The following DIAPH3 variants were observed in gnomAD, a reference collection of about 807,000 sequenced individuals.
DIAPH3 encodes protein diaphanous homolog 3.
A neutral mutation model predicts 144.3 loss-of-function variants in DIAPH3; 117 were observed. That is an observed-to-expected ratio of 0.81 (90% CI 0.70 to 0.95). The LOEUF is 0.95. DIAPH3 is among the 40% of genes least tolerant of loss of function. The pLI is 0.00. For missense variants in DIAPH3, 1,421 were observed against 1,412.7 expected, an observed-to-expected ratio of 1.01 and a Z score of -0.09; for synonymous variants, 519 against 488.9, an observed-to-expected ratio of 1.06 and a Z score of -0.81.
At chr13:60,162,805 T>TCACACACACA (rs1377370526) in intron 1 of DIAPH3, among the ~76,000 whole-genome samples, 1 of 136,442 alleles carries the variant, frequency 7.3e-6, no homozygotes, top group African/African-American at 2.6e-5. Context: ...TCTCTCTCTC[T>TCACACACACA]CTCTCACACA....
intron 17 of DIAPH3, among the ~76,000 whole-genome samples, chr13:59,939,835 CGTGTGTGTGT>C (rs3220859): frequency 5.5e-5 from 8 of 146,646 alleles, no homozygotes; most frequent in African/African-American, 1.0e-4. Flanking sequence ...GAGAATGAGG[CGTGTGTGTGT>C]GTGTGTGTGT....
chr13:59,723,427 T>A (rs917768770), intron 27 of DIAPH3, among the ~76,000 whole-genome samples: 1 of 152,112 alleles, frequency 6.6e-6, no homozygotes, highest in Non-Finnish European at 1.5e-5. Flanking sequence ...TACCCCTGGC[T>A]AATTAAAGTG....
At chr13:60,091,393 G>A (rs2057926672) in intron 4 of DIAPH3, among the ~76,000 whole-genome samples, 1 of 152,128 alleles carries the variant, frequency 6.6e-6, no homozygotes, top group African/African-American at 2.4e-5. Context: ...TGCCTTATGG[G>A]CTCAAGCAAT....
intron 20 of DIAPH3, among the ~76,000 whole-genome samples, chr13:59,905,219 T>C (rs1480525679): frequency 6.6e-6 from 1 of 151,392 alleles, no homozygotes; most frequent in African/African-American, 2.4e-5. Context: ...GGCGGGCGCC[T>C]ATAGTCCCAG....
chr13:59,741,642 A>G (rs921930466), intron 27 of DIAPH3, among the ~76,000 whole-genome samples: 32 of 150,284 alleles, frequency 2.1e-4, no homozygotes, highest in Admixed American at 1.6e-3. Flanking sequence ...GCTTGAGCCC[A>G]GGAGGTTGAG....
intron 1 of DIAPH3, among the ~76,000 whole-genome samples, chr13:60,134,372 C>T (rs943360855): frequency 6.6e-6 from 1 of 152,144 alleles, no homozygotes; most frequent in Non-Finnish European, 1.5e-5. Context: ...TTAACAAGTA[C>T]GCACGGTGGT....
rs367922833 is a variant in DIAPH3 at position 59,916,160 on chromosome 13, T to A, written c.2260A>T (p.Ile754Phe). 70 of 1,612,524 alleles carry A rather than the reference T, an allele frequency of 4.3e-5. No individual in the cohort carries two copies. The African/African-American group carries it at 8.5e-4, about 20-fold the overall frequency. Residue 754 changes from isoleucine to phenylalanine, a missense_variant, in exon 19 of 28, where the codon ATT becomes TTT. Physicochemically the swap from Ile to Phe is conservative, Grantham distance 21. Coordinates refer to ENST00000400324, the MANE Select transcript of DIAPH3 (RefSeq NM_001042517.2). The part of the protein sequence containing the change: ...VDETRLAESM[I>F]QNLIKHLPDQ... Reference sequence around the variant, plus strand: ...AGCTGTGCCTGTTTGTTTACCTGAATCATAGACTCTGCCAACCGTGTTTCA... The same window carrying A: ...AGCTGTGCCTGTTTGTTTACCTGAAACATAGACTCTGCCAACCGTGTTTCA...
intron 24 of DIAPH3, among the ~76,000 whole-genome samples, chr13:59,826,694 A>G (rs955880524): frequency 2.6e-5 from 4 of 151,888 alleles, no homozygotes; most frequent in Non-Finnish European, 5.9e-5. Flanking sequence ...TAAAGTTCAT[A>G]TGGAACCAAA....
intron 9 of DIAPH3, among the ~76,000 whole-genome samples, chr13:59,992,860 A>C (rs1459136245): frequency 1.3e-5 from 2 of 151,642 alleles, no homozygotes; most frequent in Admixed American, 6.6e-5. Flanking sequence ...AAAAAAAAAA[A>C]AAACACTTGT....
intron 25 of DIAPH3, among the ~76,000 whole-genome samples, chr13:59,795,048 C>T (rs562803352): frequency 5.3e-5 from 8 of 152,286 alleles, no homozygotes; most frequent in East Asian, 1.9e-4. Context: ...GCCTGTGGGC[C>T]GCAGTTAGCT....
At chr13:59,795,829 A>C (rs2039573161) in intron 25 of DIAPH3, among the ~76,000 whole-genome samples, 1 of 152,126 alleles carries the variant, frequency 6.6e-6, no homozygotes, top group South Asian at 2.1e-4. Flanking sequence ...ACAGTTACAG[A>C]CATATTCTCC....
chr13:59,713,409 T>C (rs1484767906), intron 27 of DIAPH3, among the ~76,000 whole-genome samples: 1 of 152,134 alleles, frequency 6.6e-6, no homozygotes, highest in African/African-American at 2.4e-5. Flanking sequence ...CTCAAATGTG[T>C]CTGTAAACAT....
intron 25 of DIAPH3, among the ~76,000 whole-genome samples, chr13:59,785,087 T>G (rs2038962488): frequency 6.6e-6 from 1 of 152,132 alleles, no homozygotes; most frequent in Non-Finnish European, 1.5e-5. Context: ...AACTGAAAAT[T>G]TATTTGAGTC....
chr13:59,915,377 ATTAG>A lies in DIAPH3; in HGVS notation c.2265+774_2265+777del, dbSNP rs1460787804. Among the ~76,000 whole-genome samples the A allele has an allele frequency of 2.6e-5, 4 of 152,252 alleles. No individual in the cohort carries two copies. The East Asian group carries it at 7.7e-4, about 29-fold the overall frequency. On this transcript the variant is annotated intron_variant, in intron 19 of 27. Coordinates refer to ENST00000400324, the MANE Select transcript of DIAPH3 (RefSeq NM_001042517.2). ...CAACTTCCAAAGATATCATTTATTGATTAGTTAAAATATTCAGAATAATTTTAAT... is the reference window on the plus strand; with the variant it reads ...CAACTTCCAAAGATATCATTTATTGATTAAAATATTCAGAATAATTTTAAT...
intron 9 of DIAPH3, 74 bp downstream of exon 9, chr13:60,008,470 A>G: frequency 1.1e-6 from 1 of 932,522 alleles, no homozygotes; most frequent in Non-Finnish European, 1.7e-6. Context: ...ATGTTTTCAT[A>G]TAAACCAATC....
intron 5 of DIAPH3, among the ~76,000 whole-genome samples, chr13:60,023,620 G>T (rs2054173271): frequency 6.6e-6 from 1 of 151,596 alleles, no homozygotes; most frequent in African/African-American, 2.4e-5. Context: ...TTTTAGTAGA[G>T]ACAGGGTTTC....
Position 59,991,281 on chromosome 13 carries a change from T to G in DIAPH3, c.1245-7A>C. ...GTAAACATCATATGCTTCAGTGAGT[T>G]GATTAAGGAATATATGGATTTATTT... is the stretch of plus-strand genomic sequence containing the variant. On this transcript the variant is annotated splice_region_variant and splice_polypyrimidine_tract_variant and intron_variant, in intron 11 of 27. Coordinates refer to ENST00000400324, the MANE Select transcript of DIAPH3 (RefSeq NM_001042517.2). 6.5e-7 allele frequency: 1 copy of G among 1,547,256 alleles called. No homozygotes were observed. Among genetic ancestry groups the G allele is most frequent in the Non-Finnish European group, 8.9e-7 (1 of 1,120,548 alleles).
intron 24 of DIAPH3, among the ~76,000 whole-genome samples, chr13:59,816,628 C>T (rs550498188): frequency 6.6e-6 from 1 of 151,370 alleles, no homozygotes; most frequent in African/African-American, 2.4e-5. Context: ...CTTTCATATC[C>T]CTCCTTCTGG....
chr13:59,833,114 G>A lies in DIAPH3; in HGVS notation c.3020C>T (p.Thr1007Ile), dbSNP rs771476447. ...ACAATTTTTTTACCATACCATGAAT[G>A]TGGTTCTGAAGTTATTCAGGTCAGT... The part of the protein sequence containing the change: ...FLTDLNNFRT[T>I]FMQAIKENIK... The change falls in exon 24 of 28, where the codon ACA (threonine) becomes ATA (isoleucine). Residue 1007 changes from threonine (T) to isoleucine (I), a missense_variant. By Grantham distance (89) the Thr-to-Ile change is moderately conservative. Coordinates refer to ENST00000400324, the MANE Select transcript of DIAPH3 (RefSeq NM_001042517.2). 3 of 1,608,388 alleles carry A rather than the reference G, an allele frequency of 1.9e-6. No individual in the cohort carries two copies. Among genetic ancestry groups the A allele is most frequent in the Non-Finnish European group, 2.5e-6 (3 of 1,177,078 alleles).
Sources: gnomAD v4.1 joint callset for allele counts (sites outside exome capture counted in the v4.1 genomes callset) on GRCh38, gnomAD v4.1.1 for gene constraint, MANE v1.5 for transcripts, NCBI Gene and HGNC (gene_info 2026-07-23, HGNC 2026-07-21) for gene names.